The following DNHD1 variants were observed in gnomAD, a reference collection of about 807,000 sequenced individuals.
DNHD1 encodes dynein heavy chain domain 1, also known as dynein heavy chain domain-containing protein 1.
DNHD1 carries 383 observed loss-of-function variants against 458.1 expected under a neutral mutation model. The observed-to-expected ratio is 0.84, with a 90% CI of 0.77 to 0.91. The LOEUF (loss-of-function observed/expected upper bound fraction) is 0.91. Ranked by LOEUF, DNHD1 falls within the 40% of genes least tolerant of loss-of-function variation. DNHD1 has a pLI of 0.00. For missense variants in DNHD1, 5,336 were observed against 5,866.1 expected (o/e 0.91, Z 2.95); for synonymous variants, 2,203 against 2,376.9 (o/e 0.93, Z 2.13).
At chr11:6,540,569 T>C (rs1564814073) in intron 18 of DNHD1, among the ~76,000 whole-genome samples, 1 of 152,140 alleles carries the variant, frequency 6.6e-6, no homozygotes, top group African/African-American at 2.4e-5. Context: ...GACAATACTA[T>C]AGGGATAAAC....
Position 6,565,766 on chromosome 11 carries a change from G to A in DNHD1, c.10828G>A (p.Glu3610Lys), listed in dbSNP as rs1197927226. 1 of 1,551,590 alleles carries A rather than the reference G, an allele frequency of 6.4e-7. No individual in the cohort carries two copies. The change falls in exon 33 of 43, where the codon GAG becomes AAG. Residue 3610 changes from glutamate (E) to lysine (K), a missense_variant. By Grantham distance (56) the Glu-to-Lys change is moderately conservative. This residue lies in a region of DNHD1 where 695 missense variants were observed against 804.2 expected (regional missense o/e 0.86). Transcript: ENST00000254579. Reference protein sequence around the residue: ...DMKEEDDESEESNEAEDQTKE... With the variant: ...DMKEEDDESEKSNEAEDQTKE... ...GAAAGAGGAAGATGATGAGAGTGAA[G>A]AGAGTAATGAGGCTGAGGACCAGAC...
chr11:6,562,357 G>A (rs969186788), intron 28 of DNHD1, among the ~76,000 whole-genome samples: 1 of 152,206 alleles, frequency 6.6e-6, no homozygotes, highest in Admixed American at 6.5e-5. Flanking sequence ...TGAGGGGCCT[G>A]TGAGACCCCC....
intron 37 of DNHD1, 49 bp downstream of exon 37, chr11:6,568,291 G>A: frequency 6.6e-7 from 1 of 1,526,018 alleles, no homozygotes; most frequent in African/African-American, 1.4e-5. Flanking sequence ...CTACACTTGG[G>A]CCTTAGCTTG....
chr11:6,547,988 A>G lies in DNHD1; in HGVS notation c.6853A>G (p.Ser2285Gly). Residue 2285 changes from serine (S) to glycine (G), a missense_variant, in exon 22 of 43, where the codon AGC becomes GGC. By Grantham distance (56) the Ser-to-Gly change is moderately conservative (BLOSUM62 0). This residue lies in a region of DNHD1 where 3,932 missense variants were observed against 4,365.6 expected (regional missense o/e 0.90). Transcript: ENST00000254579. ...GTGCAGGGAACACTTGCTGGCTGTC[A>G]GCAGTTTTCTTTTTGCCTTGATCTG... ...DKCREHLLAV[S>G]SFLFALIWGF... The G allele has an allele frequency of 1.3e-6, 2 of 1,551,782 alleles. No homozygotes were observed. Among genetic ancestry groups the G allele is most frequent in the Non-Finnish European group, 8.7e-7 (1 of 1,147,004 alleles).
intron 14 of DNHD1, among the ~76,000 whole-genome samples, chr11:6,534,804 T>A (rs187237541): frequency 1.3e-5 from 2 of 152,318 alleles, no homozygotes; most frequent in Non-Finnish European, 1.5e-5. Context: ...TAGAGTGCAG[T>A]GTCATGATCA....
rs758559303 is a variant in DNHD1, at chr11:6,498,752, G to C, written c.537G>C (p.Glu179Asp). Reference protein sequence around the residue: ...QAQWSRQQVKEELATWLRPLT... With the variant: ...QAQWSRQQVKDELATWLRPLT... The stretch of plus-strand genomic sequence containing the variant: ...AGTGGAGCAGGCAGCAAGTAAAGGA[G>C]GAGCTGGCCACCTGGCTGCGACCAT... The change falls in exon 3 of 43, where the codon GAG (glutamate) becomes GAC (aspartate). Residue 179 changes from glutamate to aspartate, a missense_variant. Physicochemically the swap from Glu to Asp is conservative, Grantham distance 45. Coordinates refer to ENST00000254579, the MANE Select transcript of DNHD1 (RefSeq NM_144666.3). The C allele has an allele frequency of 6.8e-6, 11 of 1,614,108 alleles. No individual in the cohort carries two copies. Among genetic ancestry groups the C allele is most frequent in the Non-Finnish European group, 5.1e-6 (6 of 1,180,038 alleles).
At chr11:6,532,686 C>T (rs1852851733) in intron 12 of DNHD1, among the ~76,000 whole-genome samples, 1 of 152,174 alleles carries the variant, frequency 6.6e-6, no homozygotes, top group South Asian at 2.1e-4. Context: ...CCGGCACCCC[C>T]ACCTCTTAGC....
At position 6,519,970 on chromosome 11, in the gene DNHD1, A is replaced by T. The variant is rs1326318427; in HGVS notation, c.1653A>T (p.Pro551=). 1.2e-6 allele frequency: 2 copies of T among 1,614,114 alleles called. No individual in the cohort carries two copies. Among genetic ancestry groups the T allele is most frequent in the South Asian group, 2.2e-5 (2 of 91,074 alleles). ...CCTGACCCTTTTTTTTACAGGCCCC[A>T]AGGCAGAAACCCTTTCTCTCATCAC... ...TSFVANILQA[P]RQKPFLSSQL... is the part of the protein sequence containing the mutation. The change falls in exon 9 of 43, where the codon CCA becomes CCT. Residue 551 remains proline, a synonymous_variant. Transcript: ENST00000254579.
At position 6,564,313 on chromosome 11, in the gene DNHD1, G is replaced by C; in HGVS notation, c.10285-20G>C. On this transcript the variant is annotated intron_variant, in intron 31 of 42. Transcript: ENST00000254579. Reference sequence around the variant, plus strand: ...CTCCTCACTGGCCTACACAGCCTCTGGTCTTCCCTTCCACTCCAGAAGCTG... The same window carrying C: ...CTCCTCACTGGCCTACACAGCCTCTCGTCTTCCCTTCCACTCCAGAAGCTG... 6.8e-7 allele frequency: 1 copy of C among 1,467,414 alleles called. No homozygotes were observed. The highest frequency in any genetic ancestry group is 9.1e-7 in the Non-Finnish European group (1 of 1,093,988). The allele number at this position is 1,467,414 out of a possible 1,614,324, so 90.9% of individuals were successfully genotyped here.
Position 6,544,854 on chromosome 11 carries a change from C to T in DNHD1, c.3915C>T (p.Asp1305=). ...YRTLMRISVA[D]PMVLSLVVPS... ...CCCTGATGCGCATCTCTGTAGCTGA[C>T]CCCATGGTTCTGTCACTTGTAGTGC... The change falls in exon 21 of 43, where the codon GAC becomes GAT. Residue 1305 remains aspartate, a synonymous_variant. Transcript: ENST00000254579. 6.4e-7 allele frequency: 1 copy of T among 1,551,700 alleles called. No homozygotes were observed. Among genetic ancestry groups the T allele is most frequent in the Admixed American group, 2.0e-5 (1 of 51,000 alleles).
chr11:6,499,282 T>C (rs1852091579), intron 3 of DNHD1, among the ~76,000 whole-genome samples: 2 of 152,236 alleles, frequency 1.3e-5, no homozygotes, highest in Non-Finnish European at 2.9e-5. Context: ...GTCAGAAGTC[T>C]CCTTAATTAT....
At chr11:6,502,585 A>G (rs1365549535) in intron 3 of DNHD1, among the ~76,000 whole-genome samples, 168 bp from the exon 4 acceptor site, 1 of 152,210 alleles carries the variant, frequency 6.6e-6, no homozygotes, top group African/African-American at 2.4e-5. Context: ...TTTGCCCAGT[A>G]TGTGGTATCT....
Position 6,533,912 on chromosome 11 carries a change from G to A in DNHD1, c.2737G>A (p.Glu913Lys), listed in dbSNP as rs912078005. The change falls in exon 14 of 43, where the codon GAG (glutamate) becomes AAG (lysine). Residue 913 changes from glutamate to lysine, a missense_variant. Physicochemically the swap from Glu to Lys is moderately conservative, Grantham distance 56 (BLOSUM62 1). This residue lies in a region of DNHD1 where 3,932 missense variants were observed against 4,365.6 expected (regional missense o/e 0.90). Coordinates refer to ENST00000254579, the MANE Select transcript of DNHD1 (RefSeq NM_144666.3). ...LLAPQLLDMWEAFQFEKSQAS... is the reference protein window; with the variant it reads ...LLAPQLLDMWKAFQFEKSQAS... ...TGCCCCACAGCTTCTGGATATGTGG[G>A]AGGCATTTCAGTTTGAGAAAAGCCA... 5.9e-5 allele frequency: 92 copies of A among 1,551,092 alleles called. 1 individual carries two copies. Among genetic ancestry groups the A allele is most frequent in the Non-Finnish European group, 7.7e-5 (88 of 1,146,902 alleles).
At chr11:6,534,639 G>A (rs1357707249) in intron 14 of DNHD1, among the ~76,000 whole-genome samples, 1 of 152,168 alleles carries the variant, frequency 6.6e-6, no homozygotes, top group African/African-American at 2.4e-5. Context: ...TAATACACAG[G>A]AGGAGGCCAG....
chr11:6,527,687 G>C (rs1374124320), intron 10 of DNHD1, among the ~76,000 whole-genome samples: 3 of 152,220 alleles, frequency 2.0e-5, no homozygotes, highest in Non-Finnish European at 4.4e-5. Context: ...CAGCCATAAA[G>C]CTGGATGAGA....
intron 14 of DNHD1, among the ~76,000 whole-genome samples, chr11:6,535,045 C>A (rs1489712534): frequency 6.6e-6 from 1 of 152,232 alleles, no homozygotes; most frequent in East Asian, 1.9e-4. Context: ...CTGCGCCTGG[C>A]CTTCCTTCCA....
intron 6 of DNHD1, among the ~76,000 whole-genome samples, chr11:6,509,604 C>T (rs1362426076): frequency 6.6e-6 from 1 of 151,982 alleles, no homozygotes; most frequent in Non-Finnish European, 1.5e-5. Context: ...TATCTTAAAC[C>T]ACTTGCACTC....
Position 6,567,417 on chromosome 11 carries a change from A to G in DNHD1, c.11908A>G (p.Ser3970Gly), listed in dbSNP as rs182100916. 1.5e-3 allele frequency: 2,424 copies of G among 1,613,518 alleles called. 40 individuals are homozygous for G. In the African/African-American group the frequency reaches 0.028, roughly 19 times the overall value. ...AGCAGCCTCTCCCAGCACAGTCCAC[A>G]GCAAGCCAGTCTCAGATGTGGCTCG... The part of the protein sequence containing the change: ...GLAASPSTVH[S>G]KPVSDVARPA... The change falls in exon 36 of 43, where the codon AGC becomes GGC. Residue 3970 changes from serine (S) to glycine (G), a missense_variant. Ser to Gly is a moderately conservative substitution (Grantham distance 56). Coordinates refer to ENST00000254579, the MANE Select transcript of DNHD1 (RefSeq NM_144666.3).
Position 6,504,512 on chromosome 11 carries a change from T to C in DNHD1, c.920+1586T>C, listed in dbSNP as rs146048804. Among the ~76,000 whole-genome samples the C allele has an allele frequency of 3.5e-4, 54 of 152,360 alleles. 1 individual carries two copies. The East Asian group carries it at 0.01, about 29-fold the overall frequency. On this transcript the variant is annotated intron_variant, in intron 4 of 42. Transcript: ENST00000254579. ...TTGTCCAGGCTGGAGTGTAATGGCA[T>C]GATCTCGGCTCACAGCAACCTCCAC...
Sources: allele counts gnomAD v4.1 joint callset (sites outside exome capture counted in the v4.1 genomes callset), GRCh38; gene constraint gnomAD v4.1.1; regional missense constraint gnomAD v4.1.1; transcripts MANE v1.5; gene names NCBI Gene and HGNC (gene_info 2026-07-23, HGNC 2026-07-21).